Variants in SLC10A7 observed in about 807,000 individuals in gnomAD.
The protein encoded by SLC10A7 is sodium/bile acid cotransporter 7.
In SLC10A7, 29 loss-of-function variants were observed where a neutral mutation model predicts 43.2. That is an observed-to-expected ratio of 0.67 (90% confidence interval 0.50 to 0.92). The LOEUF is 0.92. Ranked by LOEUF, SLC10A7 falls within the 40% of genes least tolerant of loss-of-function variation. The pLI is 0.00. For synonymous variants in SLC10A7, 152 were observed against 144.8 expected (o/e 1.05, Z -0.35); for missense variants, 295 against 403.2 (o/e 0.73, Z 2.30).
chr4:146,493,558 G>T (rs908390521), intron 4 of SLC10A7, among the ~76,000 whole-genome samples: 2 of 149,452 alleles, frequency 1.3e-5, no homozygotes, highest in Non-Finnish European at 3.0e-5. Context: ...TTTTTTTGTT[G>T]TTGTTCATTG....
intron 4 of SLC10A7, among the ~76,000 whole-genome samples, chr4:146,501,851 C>T (rs1197464050): frequency 2.0e-5 from 3 of 152,198 alleles, no homozygotes; most frequent in Admixed American, 2.0e-4. Flanking sequence ...TCACACCCCA[C>T]ATCTAATTCA....
intron 5 of SLC10A7, among the ~76,000 whole-genome samples, chr4:146,386,031 CA>C (rs1737969803): frequency 6.6e-6 from 1 of 152,132 alleles, no homozygotes; most frequent in Non-Finnish European, 1.5e-5. Flanking sequence ...GTGAATAATT[CA>C]GTGATGAACA....
intron 4 of SLC10A7, among the ~76,000 whole-genome samples, chr4:146,451,163 G>A (rs1242651181): frequency 1.5e-5 from 2 of 137,730 alleles, no homozygotes; most frequent in South Asian, 2.5e-4. Flanking sequence ...TATAAAAAAG[G>A]AGAAGCTAAA....
chr4:146,401,659 A>G (rs1222080025), intron 5 of SLC10A7, among the ~76,000 whole-genome samples: 3 of 152,176 alleles, frequency 2.0e-5, no homozygotes, highest in South Asian at 2.1e-4. Context: ...ACAAAAAGAG[A>G]TAAGAGTCTT....
intron 8 of SLC10A7, 135 bp from the exon 9 acceptor site, chr4:146,293,115 C>G: frequency 3.6e-6 from 2 of 549,048 alleles, no homozygotes; most frequent in Non-Finnish European, 6.3e-6. Context: ...AACAAGCATG[C>G]CTTGCTAAAT....
At chr4:146,279,832 T>C (rs1729432354) in intron 10 of SLC10A7, among the ~76,000 whole-genome samples, 2 of 152,184 alleles carry the variant, frequency 1.3e-5, no homozygotes, top group Admixed American at 1.3e-4. Context: ...AATAGTCACT[T>C]CATCTGCAAT....
At chr4:146,476,597 T>G (rs1734050110) in intron 4 of SLC10A7, among the ~76,000 whole-genome samples, 3 of 152,140 alleles carry the variant, frequency 2.0e-5, no homozygotes, top group Admixed American at 2.0e-4. Context: ...AGCCACAGTC[T>G]AGTGGGATGC....
At chr4:146,384,694 G>T (rs897961680) in intron 5 of SLC10A7, among the ~76,000 whole-genome samples, 4 of 151,958 alleles carry the variant, frequency 2.6e-5, no homozygotes, top group South Asian at 2.1e-4. Context: ...TATTATACTT[G>T]ATATGATTTA....
rs1226167109 is a variant in SLC10A7 at position 146,501,562 on chromosome 4, CA to C, written c.396+2286del. 2.0e-5 allele frequency among the ~76,000 whole-genome samples: 3 copies of C among 152,170 alleles called. No homozygotes were observed. The East Asian group carries it at 5.8e-4, about 29-fold the overall frequency. On this transcript the variant is annotated intron_variant, in intron 4 of 11. Transcript: ENST00000335472. Reference sequence around the variant, plus strand: ...AAGTGAAAATGTTGTGTGTTCCATCCAGGGGGTAGACCTACAAGACAGTAGA... The same window carrying C: ...AAGTGAAAATGTTGTGTGTTCCATCCGGGGGTAGACCTACAAGACAGTAGA...
intron 5 of SLC10A7, among the ~76,000 whole-genome samples, chr4:146,398,041 G>A (rs919265022): frequency 1.3e-5 from 2 of 152,176 alleles, no homozygotes; most frequent in Non-Finnish European, 2.9e-5. Flanking sequence ...TATTGACGTA[G>A]CATTGGAATT....
intron 5 of SLC10A7, among the ~76,000 whole-genome samples, chr4:146,420,529 G>A (rs1204985903): frequency 2.0e-5 from 3 of 152,152 alleles, no homozygotes; most frequent in South Asian, 4.1e-4. Flanking sequence ...ATACCTGAGA[G>A]GAAGAAAGTG....
intron 4 of SLC10A7, among the ~76,000 whole-genome samples, chr4:146,496,861 C>T (rs745479317): frequency 3.2e-4 from 49 of 152,104 alleles, no homozygotes; most frequent in Non-Finnish European, 1.6e-4. Flanking sequence ...GAAAAGGTTA[C>T]TTTTTCTCCC....
At chr4:146,439,540 T>G (rs1272333280) in intron 5 of SLC10A7, among the ~76,000 whole-genome samples, 1 of 152,112 alleles carries the variant, frequency 6.6e-6, no homozygotes, top group Non-Finnish European at 1.5e-5. Flanking sequence ...TAGTCAGAGA[T>G]AACCAATTTC....
Position 146,503,758 on chromosome 4 carries a change from C to T in SLC10A7, c.396+91G>A, listed in dbSNP as rs528146922. 4 of 1,211,900 alleles carry T rather than the reference C, an allele frequency of 3.3e-6. No homozygotes were observed. The African/African-American group carries it at 4.5e-5, about 14-fold the overall frequency. 75.1% of individuals were successfully genotyped at this position (1,211,900 alleles called of 1,614,324 possible). ...TGCTATGGCTAGGAGTTTTCTGCAA[C>T]ATCAACCCTTCATGTCCAAAAATGT... is the stretch of plus-strand genomic sequence containing the variant. On this transcript the variant is annotated intron_variant, in intron 4 of 11. Transcript: ENST00000335472.
intron 10 of SLC10A7, among the ~76,000 whole-genome samples, chr4:146,282,427 C>T (rs967284575): frequency 6.6e-6 from 1 of 152,144 alleles, no homozygotes; most frequent in African/African-American, 2.4e-5. Flanking sequence ...GACTCATGTG[C>T]TAAAATGTAG....
chr4:146,491,178 G>A (rs1013886549), intron 4 of SLC10A7, among the ~76,000 whole-genome samples: 2 of 152,038 alleles, frequency 1.3e-5, no homozygotes, highest in Non-Finnish European at 1.5e-5. Context: ...TACTAGATAC[G>A]GGGGATGAGG....
At chr4:146,260,150 T>A (rs1728132219) in intron 10 of SLC10A7, among the ~76,000 whole-genome samples, 1 of 152,124 alleles carries the variant, frequency 6.6e-6, no homozygotes, top group East Asian at 1.9e-4. Context: ...CATGCTTAGA[T>A]TTTTTGCAGT....
chr4:146,332,778 T>C (rs1454105290), intron 5 of SLC10A7, among the ~76,000 whole-genome samples: 1 of 152,178 alleles, frequency 6.6e-6, no homozygotes, highest in African/African-American at 2.4e-5. Context: ...TTAGTAATAA[T>C]TTTGTTTTCC....
intron 5 of SLC10A7, among the ~76,000 whole-genome samples, chr4:146,422,978 C>T (rs566008995): frequency 6.6e-6 from 1 of 152,126 alleles, no homozygotes; most frequent in South Asian, 2.1e-4. Flanking sequence ...TTTTATTCCT[C>T]CCAGCAGCTA....
Sources: gnomAD v4.1 joint callset for allele counts (sites outside exome capture counted in the v4.1 genomes callset) on GRCh38, gnomAD v4.1.1 for gene constraint, MANE v1.5 for transcripts, NCBI Gene and HGNC (gene_info 2026-07-23, HGNC 2026-07-21) for gene names.